Variants in SVIL observed in about 807,000 individuals in gnomAD.
The protein encoded by SVIL is archvillin.
Under a neutral mutation model 240.4 loss-of-function variants are expected in SVIL, and 101 were observed. The ratio of observed to expected loss-of-function variants is 0.42; its 90% confidence interval spans 0.36 to 0.50. SVIL has a LOEUF of 0.50. Among genes scored for constraint, SVIL ranks in the 20% least tolerant of loss-of-function variants. The pLI is 0.01. For missense variants in SVIL, 2,512 were observed against 2,818.7 expected (o/e 0.89, Z 2.46); for synonymous variants, 999 against 1,100.0 (o/e 0.91, Z 1.82).
intron 18 of SVIL, 105 bp downstream of exon 18, chr10:29,499,011 T>C: frequency 1.4e-6 from 2 of 1,442,908 alleles, no homozygotes; most frequent in Non-Finnish European, 1.8e-6. Context: ...CCATGGTTTC[T>C]TCTTTTAAAT....
At chr10:29,485,024 G>A (rs546032933) in intron 26 of SVIL, among the ~76,000 whole-genome samples, 193 bp from the exon 27 acceptor site, 2 of 151,876 alleles carry the variant, frequency 1.3e-5, no homozygotes, top group South Asian at 2.1e-4. Flanking sequence ...TCTGCCCTGC[G>A]GGCACGATTC....
intron 17 of SVIL, among the ~76,000 whole-genome samples, chr10:29,510,948 C>A (rs1481266495): frequency 8.3e-6 from 1 of 120,374 alleles, no homozygotes; most frequent in African/African-American, 3.7e-5. Flanking sequence ...GTGTGGGCTA[C>A]AAAGGCCTAA....
chr10:29,627,030 AT>A (rs1490208913), intron 1 of SVIL, among the ~76,000 whole-genome samples: 2 of 150,408 alleles, frequency 1.3e-5, no homozygotes, highest in African/African-American at 2.4e-5. Context: ...TCTCAAAAAA[AT>A]AAAATGAAAA....
chr10:29,635,320 A>G (rs1320939781), upstream of SVIL, among the ~76,000 whole-genome samples: 2 of 152,234 alleles, frequency 1.3e-5, no homozygotes, highest in Non-Finnish European at 2.9e-5. Context: ...CATATATACA[A>G]TGAATGCCCG....
At chr10:29,639,997 G>C (rs1054947316) in intron 3 of SVIL, among the ~76,000 whole-genome samples, 1 of 152,152 alleles carries the variant, frequency 6.6e-6, no homozygotes, top group East Asian at 1.9e-4. Flanking sequence ...CTTCTTTTCA[G>C]TTCGTTGACG....
At chr10:29,563,460 T>A (rs1340039108) in intron 2 of SVIL, among the ~76,000 whole-genome samples, 168 bp from the exon 3 acceptor site, 1 of 152,214 alleles carries the variant, frequency 6.6e-6, no homozygotes. Flanking sequence ...TTTTTTCATT[T>A]ATTTATATTT....
chr10:29,457,596 C>G lies in SVIL; in HGVS notation c.*651G>C, dbSNP rs1249146856. 1 of 152,556 alleles carries G rather than the reference C, an allele frequency of 6.6e-6. No homozygotes were observed. The highest frequency in any genetic ancestry group is 1.5e-5 in the Non-Finnish European group (1 of 68,040). 9.5% of individuals were successfully genotyped at this position (152,556 alleles called of 1,614,324 possible). ...AGATATTAAGGTAGAAAGGTTGATT[C>G]GCATAGATTCTCCAGAGTCCATGCC... is the stretch of plus-strand genomic sequence containing the variant. On this transcript the variant is annotated 3_prime_UTR_variant, in exon 38 of 38. Coordinates refer to ENST00000355867, the MANE Select transcript of SVIL (RefSeq NM_021738.3).
chr10:29,532,402 G>A (rs983928815), intron 8 of SVIL, 127 bp downstream of exon 8: 105 of 1,424,194 alleles, frequency 7.4e-5, no homozygotes, highest in Non-Finnish European at 7.9e-5. Flanking sequence ...CCGCATAGTC[G>A]CCCTGCACGC....
intron 3 of SVIL, among the ~76,000 whole-genome samples, chr10:29,652,428 C>T (rs1191323730): frequency 3.3e-5 from 5 of 152,178 alleles, no homozygotes; most frequent in African/African-American, 9.7e-5. Flanking sequence ...GGATATACCA[C>T]ATTTTATTTG....
chr10:29,614,946 T>C (rs1316903826), intron 1 of SVIL, among the ~76,000 whole-genome samples: 1 of 152,238 alleles, frequency 6.6e-6, no homozygotes, highest in African/African-American at 2.4e-5. Context: ...TAAACCTATC[T>C]GATCCTCATA....
At chr10:29,465,439 G>A (rs1944794329) in intron 34 of SVIL, among the ~76,000 whole-genome samples, 156 bp downstream of exon 34, 1 of 152,134 alleles carries the variant, frequency 6.6e-6, no homozygotes, top group South Asian at 2.1e-4. Flanking sequence ...TTTGGTGTAG[G>A]GGTGAGGATG....
chr10:29,690,828 T>A (rs1961442075), intron 1 of SVIL, among the ~76,000 whole-genome samples: 1 of 152,260 alleles, frequency 6.6e-6, no homozygotes, highest in Non-Finnish European at 1.5e-5. Flanking sequence ...TGTGATTAGT[T>A]CCATCATCTG....
At chr10:29,736,060 C>A (rs1479944381), upstream of SVIL, among the ~76,000 whole-genome samples, 1 of 152,110 alleles carries the variant, frequency 6.6e-6, no homozygotes, top group East Asian at 1.9e-4. Flanking sequence ...GCACAAGCAC[C>A]CCTGCCTCTC....
At chr10:29,550,019 TA>T (rs11339067) in intron 6 of SVIL, among the ~76,000 whole-genome samples, 26,325 of 69,996 alleles carry the variant, frequency 0.38, 2,712 homozygotes, top group East Asian at 0.41. Flanking sequence ...ACTTAAAGTA[TA>T]AAAAAAAAAA....
At chr10:29,607,326 A>G (rs528090266) in intron 1 of SVIL, among the ~76,000 whole-genome samples, 2 of 152,312 alleles carry the variant, frequency 1.3e-5, no homozygotes, top group South Asian at 2.1e-4. Context: ...AATGCATTCA[A>G]TAACTGGCAG....
Position 29,471,432 on chromosome 10 carries a change from AG to A in SVIL, c.5530-190del, listed in dbSNP as rs142739696. Among the ~76,000 whole-genome samples the A allele has an allele frequency of 0.077, 11,647 of 152,246 alleles. 587 individuals carry two copies. The highest frequency in any genetic ancestry group is 0.15 in the Admixed American group (2,361 of 15,300). Reference sequence around the variant, plus strand: ...GCAGCCTCCTCTCAGGGTGTTACTCAGGGAGGGTCTTCTTTTCCTAAACAAA... The same window carrying A: ...GCAGCCTCCTCTCAGGGTGTTACTCAGGAGGGTCTTCTTTTCCTAAACAAA... On this transcript the variant is annotated intron_variant, in intron 30 of 37. Coordinates refer to ENST00000355867, the MANE Select transcript of SVIL (RefSeq NM_021738.3).
In SVIL at chr10:29,724,760, G is replaced by A. The variant is rs144271872; in HGVS notation, c.-400+10991C>T. On this transcript the variant is annotated intron_variant, in intron 1 of 35. Transcript: ENST00000375400. The stretch of plus-strand genomic sequence containing the variant: ...TGAGCAGCTGGGCAAGGTGGCTCAC[G>A]CCTGTAATCCCGGCACTTTGGGAGG... 1.7e-3 allele frequency among the ~76,000 whole-genome samples: 265 copies of A among 152,174 alleles called. 1 individual carries two copies. Among genetic ancestry groups the A allele is most frequent in the African/African-American group, 6.0e-3 (250 of 41,526 alleles).
chr10:29,480,728 C>T lies in SVIL; in HGVS notation c.5186G>A (p.Gly1729Glu). 1.2e-6 allele frequency: 2 copies of T among 1,614,210 alleles called. No homozygotes were observed. The highest frequency in any genetic ancestry group is 1.1e-5 in the South Asian group (1 of 91,088). Residue 1729 changes from glycine (G) to glutamate (E), a missense_variant, in exon 29 of 38, where the codon GGA becomes GAA. Gly to Glu is a moderately conservative substitution (Grantham distance 98, BLOSUM62 -2). Around this residue, in one of 3 missense-constraint regions of SVIL, gnomAD observed 797 missense variants for 925.3 expected, o/e 0.86. Transcript: ENST00000355867. ...GCCATAGCCACGGCCGACGTTCACT[C>T]CGTCCAGGATGGTGCCTGCTGTCGT... Reference protein sequence around the residue: ...PQTTAGTILDGVNVGRGYGLV... With the variant: ...PQTTAGTILDEVNVGRGYGLV...
chr10:29,701,801 A>G (rs1375919202), intron 1 of SVIL, among the ~76,000 whole-genome samples: 2 of 152,216 alleles, frequency 1.3e-5, no homozygotes, highest in Non-Finnish European at 2.9e-5. Context: ...CTGACATTCT[A>G]ATGTATTTGG....
Sources: gnomAD v4.1 joint callset for allele counts (sites outside exome capture counted in the v4.1 genomes callset) on GRCh38, gnomAD v4.1.1 for gene constraint, gnomAD v4.1.1 regional missense constraint, MANE v1.5 for transcripts, NCBI Gene and HGNC (gene_info 2026-07-23, HGNC 2026-07-21) for gene names.